ATAD5: variants seen among roughly 807,000 people sequenced by gnomAD.
ATAD5 encodes the protein ATPase family AAA domain containing 5, also known as ATPase family AAA domain-containing protein 5.
ATAD5 carries 58 observed loss-of-function variants against 176.9 expected under a neutral mutation model. The ratio of observed to expected loss-of-function variants is 0.33; its 90% CI spans 0.27 to 0.41. ATAD5 has a LOEUF of 0.41. Among genes scored for constraint, ATAD5 ranks in the 10% least tolerant of loss-of-function variants. The probability of loss-of-function intolerance (pLI) is 1.00; values close to 1 mark genes in which losing one functional copy is unlikely to be tolerated. For missense variants in ATAD5, 1,789 were observed against 2,094.1 expected, an observed-to-expected ratio of 0.85 and a Z score of 2.84; for synonymous variants, 640 against 712.6, an observed-to-expected ratio of 0.90 and a Z score of 1.62.
At chr17:30,847,145 A>G (rs915858519) in intron 6 of ATAD5, among the ~76,000 whole-genome samples, 6 of 152,258 alleles carry the variant, frequency 3.9e-5, no homozygotes, top group Admixed American at 6.5e-5. Context: ...GCCCAATCCC[A>G]TGCAATCTCT....
intron 4 of ATAD5, among the ~76,000 whole-genome samples, chr17:30,842,034 G>C (rs1294552277): frequency 6.6e-6 from 1 of 152,142 alleles, no homozygotes; most frequent in Non-Finnish European, 1.5e-5. Context: ...ACTTTGAGAG[G>C]CTGAGGCGGG....
rs1273008295 is a variant in ATAD5, at chr17:30,832,392, C to T, written c.45C>T (p.Pro15=). The change falls in exon 1 of 23, where the codon CCC becomes CCT. Residue 15 remains proline, a synonymous_variant. Transcript: ENST00000321990. ...TGGCGGCTGCAGCTGCTCCGCCTCC[C>T]GTGAAGGACTGCGAGATTGAGGTGA... ...LAMAAAAAPP[P]VKDCEIEPCK... 1.3e-6 allele frequency: 2 copies of T among 1,562,206 alleles called. No homozygotes were observed. The highest frequency in any genetic ancestry group is 1.8e-5 in the Admixed American group (1 of 54,400).
chr17:30,882,066 C>T (rs1447538073), intron 18 of ATAD5, among the ~76,000 whole-genome samples: 1 of 151,990 alleles, frequency 6.6e-6, no homozygotes, highest in Non-Finnish European at 1.5e-5. Context: ...TTGAGATGAG[C>T]CTCAACATTG....
Position 30,834,219 on chromosome 17 carries a change from A to G in ATAD5, c.138A>G (p.Leu46=), listed in dbSNP as rs1905556499. 1.2e-6 allele frequency: 2 copies of G among 1,611,108 alleles called. No individual in the cohort carries two copies. Among genetic ancestry groups the G allele is most frequent in the South Asian group, 2.2e-5 (2 of 90,192 alleles). ...CKTITKYLSP[L]GKTRDRVFAP... ...CAATTACAAAATATTTATCACCACT[A>G]GGGAAGACTAGAGACAGGGTTTTTG... The change falls in exon 2 of 23, where the codon CTA becomes CTG. Residue 46 remains leucine, a synonymous_variant. Transcript: ENST00000321990.
intron 18 of ATAD5, among the ~76,000 whole-genome samples, chr17:30,883,195 G>T (rs1909125862): frequency 6.7e-6 from 1 of 148,678 alleles, no homozygotes; most frequent in African/African-American, 2.5e-5. Context: ...CTCAGTCTCA[G>T]CTCACTGCAA....
At chr17:30,842,242 C>T (rs1906168589) in intron 4 of ATAD5, among the ~76,000 whole-genome samples, 1 of 151,832 alleles carries the variant, frequency 6.6e-6, no homozygotes, top group East Asian at 1.9e-4. Context: ...GCCTTCCAGC[C>T]TGGGTAACAG....
intron 18 of ATAD5, among the ~76,000 whole-genome samples, chr17:30,880,608 CA>C (rs199862765): frequency 0.035 from 2,740 of 79,168 alleles, 56 homozygotes; most frequent in African/African-American, 0.11. Context: ...AACTACATCT[CA>C]AAAAAAAAAA....
At chr17:30,869,452 CAT>C (rs1438944507) in intron 13 of ATAD5, 42 bp from the exon 14 acceptor site, 1 of 1,607,606 alleles carries the variant, frequency 6.2e-7, no homozygotes, top group African/African-American at 1.3e-5. Flanking sequence ...TAAAAGGAAA[CAT>C]AAACCATTCT....
rs71142005 is a variant in ATAD5, at chr17:30,878,718, G to GTTTTTTTTTTTTTTTTTT, written c.4012+635_4012+652dup. 7.0e-5 allele frequency among the ~76,000 whole-genome samples: 4 copies of GTTTTTTTTTTTTTTTTTT among 56,836 alleles called. 1 individual carries two copies. The highest frequency in any genetic ancestry group is 2.7e-4 in the African/African-American group (4 of 15,092). The allele number at this position is 56,836 out of a possible 152,430, so 37.3% of individuals were successfully genotyped here. A position where few individuals can be genotyped will look rare whatever the true frequency, so the allele number is the denominator to read the frequency against. On this transcript the variant is annotated intron_variant, in intron 17 of 22. Transcript: ENST00000321990. ...TCTTATTAATCAGAAGTTAGGTGGTGTTTTTTTTTTTTTTTTTTTTTTTTT... is the reference window on the plus strand; with the variant it reads ...TCTTATTAATCAGAAGTTAGGTGGTGTTTTTTTTTTTTTTTTTTTTTTTTTTTTTTTTTTTTTTTTTTT...
At chr17:30,891,342 G>A (rs1158501996) in intron 19 of ATAD5, among the ~76,000 whole-genome samples, 3 of 152,074 alleles carry the variant, frequency 2.0e-5, no homozygotes, top group Non-Finnish European at 4.4e-5. Context: ...GCTTAGTGGT[G>A]AAATTGCATA....
At chr17:30,839,772 G>A (rs141330340) in intron 3 of ATAD5, among the ~76,000 whole-genome samples, 9 of 150,252 alleles carry the variant, frequency 6.0e-5, no homozygotes, top group African/African-American at 2.2e-4. Context: ...TAGTAGAGAC[G>A]GGGGTTTCGC....
Position 30,894,665 on chromosome 17 carries a change from C to T in ATAD5, c.5399C>T (p.Thr1800Ile), listed in dbSNP as rs1266759188. ...RQASIIEYLP[T>I]LRNICKTEKL... ...GCTAGTATAATTGAATACCTGCCAACCCTTCGAAACATCTGTAAGACTGAG... is the reference window on the plus strand; with the variant it reads ...GCTAGTATAATTGAATACCTGCCAATCCTTCGAAACATCTGTAAGACTGAG... Residue 1800 changes from threonine (T) to isoleucine (I), a missense_variant, in exon 22 of 23, where the codon ACC becomes ATC. Physicochemically the swap from Thr to Ile is moderately conservative, Grantham distance 89 (BLOSUM62 -1). Around this residue, in one of 6 missense-constraint regions of ATAD5, gnomAD observed 403 missense variants for 495.1 expected, o/e 0.81. Coordinates refer to ENST00000321990, the MANE Select transcript of ATAD5 (RefSeq NM_024857.5). 1.2e-6 allele frequency: 2 copies of T among 1,613,450 alleles called. No individual in the cohort carries two copies. Among genetic ancestry groups the T allele is most frequent in the Admixed American group, 3.3e-5 (2 of 59,952 alleles).
chr17:30,879,282 A>G, intron 17 of ATAD5, 141 bp from the exon 18 acceptor site: 1 of 862,078 alleles, frequency 1.2e-6, no homozygotes, highest in Non-Finnish European at 1.8e-6. Context: ...GGCTGCAGTG[A>G]GCTATGACTG....
intron 3 of ATAD5, among the ~76,000 whole-genome samples, chr17:30,840,133 G>A (rs990436781): frequency 6.7e-6 from 1 of 150,016 alleles, no homozygotes. Flanking sequence ...GGGAGGCAGA[G>A]GTTGCACTGA....
Position 30,868,408 on chromosome 17 carries a change from T to C in ATAD5, c.3309T>C (p.His1103=), listed in dbSNP as rs201422070. The stretch of plus-strand genomic sequence containing the variant: ...TGAAGGGAAAAAGAGATGAGAAACA[T>C]GAAGGTATTTTGTGTGTCTTTTTTT... ...QNLKGKRDEK[H]EDFSGGIDFK... is the part of the protein sequence containing the mutation. The change falls in exon 12 of 23, where the codon CAT becomes CAC. Residue 1103 remains histidine (H), a synonymous_variant. Coordinates refer to ENST00000321990, the MANE Select transcript of ATAD5 (RefSeq NM_024857.5). The C allele has an allele frequency of 8.4e-6, 13 of 1,551,788 alleles. No homozygotes were observed. Among genetic ancestry groups the C allele is most frequent in the South Asian group, 1.2e-5 (1 of 80,186 alleles).
chr17:30,872,700 C>T (rs1307940153), intron 14 of ATAD5, among the ~76,000 whole-genome samples: 4 of 152,012 alleles, frequency 2.6e-5, no homozygotes, highest in Middle Eastern at 3.4e-3. Flanking sequence ...GGATTACAGG[C>T]GCTCGCCATC....
intron 18 of ATAD5, among the ~76,000 whole-genome samples, chr17:30,883,594 G>A (rs1409171380): frequency 6.6e-6 from 1 of 151,866 alleles, no homozygotes; most frequent in East Asian, 1.9e-4. Flanking sequence ...TGCCCAGGCT[G>A]GAGTGCACTG....
intron 11 of ATAD5, 60 bp from the exon 12 acceptor site, chr17:30,868,273 A>C: frequency 7.4e-7 from 1 of 1,358,720 alleles, no homozygotes; most frequent in South Asian, 1.6e-5. Flanking sequence ...TCATTTTAAC[A>C]TAAAGTCTAA....
chr17:30,888,888 A>C (rs777456612), intron 19 of ATAD5, among the ~76,000 whole-genome samples: 8 of 152,042 alleles, frequency 5.3e-5, no homozygotes, highest in Non-Finnish European at 8.8e-5. Context: ...CAACATGGTG[A>C]AACCCCATCT....
Sources: allele counts gnomAD v4.1 joint callset (sites outside exome capture counted in the v4.1 genomes callset), GRCh38; gene constraint gnomAD v4.1.1; regional missense constraint gnomAD v4.1.1; transcripts MANE v1.5; gene names NCBI Gene and HGNC (gene_info 2026-07-23, HGNC 2026-07-21).